PCYT1A: variants seen among roughly 807,000 people sequenced by gnomAD.
The protein encoded by PCYT1A is phosphate cytidylyltransferase 1A, choline.
A neutral mutation model predicts 43.7 loss-of-function variants in PCYT1A; 25 were observed. The observed-to-expected ratio is 0.57, with a 90% CI of 0.42 to 0.80. The LOEUF is 0.80. Ranked by LOEUF, PCYT1A falls within the 30% of genes least tolerant of loss-of-function variation. The pLI, the probability that PCYT1A is intolerant of heterozygous loss-of-function variation, is 0.00. For synonymous variants in PCYT1A, 172 were observed against 170.7 expected (o/e 1.01, Z -0.06); for missense variants, 421 against 474.2 (o/e 0.89, Z 1.04).
rs1450104892 is a variant in PCYT1A at position 196,234,843 on chromosome 3, C to G, written c.*3845G>C. On this transcript the variant is annotated 3_prime_UTR_variant, in exon 9 of 9. Coordinates refer to ENST00000431016, the MANE Select transcript of PCYT1A (RefSeq NM_001312673.2). ...GGAAAAATAGAAGCTAGGGACCACT[C>G]TTTATCCGATGGCAGTCTATTCTAT... 3 of 152,220 alleles carry G rather than the reference C, an allele frequency of 2.0e-5. No individual in the cohort carries two copies. Among genetic ancestry groups the G allele is most frequent in the African/African-American group, 7.2e-5 (3 of 41,446 alleles). The allele number at this position is 152,220 out of a possible 1,614,324, so 9.4% of individuals were successfully genotyped here.
intron 1 of PCYT1A, among the ~76,000 whole-genome samples, chr3:196,283,269 A>C (rs1725818604): frequency 6.6e-6 from 1 of 152,174 alleles, no homozygotes; most frequent in Admixed American, 6.6e-5. Flanking sequence ...GTTTGCAGTG[A>C]GCTAAGATTG....
At position 196,268,661 on chromosome 3, in the gene PCYT1A, G is replaced by A. The variant is rs56884666; in HGVS notation, c.117+1754C>T. Among the ~76,000 whole-genome samples, 2,247 of 152,206 alleles carry A rather than the reference G, an allele frequency of 0.015. 52 individuals are homozygous for A. The highest frequency in any genetic ancestry group is 0.051 in the African/African-American group (2,137 of 41,512). ...ATAAAAATAGTAAGCCAGGCATGGT[G>A]GTGGGCACCTGCAATCCCAGCCACT... On this transcript the variant is annotated intron_variant, in intron 2 of 8. Transcript: ENST00000431016. The surrounding 1 kb of genome is among the most constrained non-coding windows in gnomAD (Gnocchi z 4.4).
At chr3:196,249,361 G>A (rs1383867610) in intron 3 of PCYT1A, among the ~76,000 whole-genome samples, 9 of 138,120 alleles carry the variant, frequency 6.5e-5, no homozygotes, top group Admixed American at 1.6e-4. Context: ...GGCTGGTCTC[G>A]AACTCCTGGA....
chr3:196,269,391 G>C (rs1010051593), intron 2 of PCYT1A, among the ~76,000 whole-genome samples: 1 of 152,168 alleles, frequency 6.6e-6, no homozygotes, highest in Non-Finnish European at 1.5e-5. Context: ...TTTGATCAAT[G>C]GCTAATAGTC....
At chr3:196,241,685 T>C (rs1724363064) in intron 7 of PCYT1A, 1 of 1,415,776 alleles carries the variant, frequency 7.1e-7, no homozygotes, top group Non-Finnish European at 9.4e-7. Context: ...TTTCCATTTA[T>C]TGACAGAAAT....
At chr3:196,246,666 A>C (rs1332444920) in intron 5 of PCYT1A, among the ~76,000 whole-genome samples, 1 of 152,216 alleles carries the variant, frequency 6.6e-6, no homozygotes, top group Non-Finnish European at 1.5e-5. Flanking sequence ...AAGCCCTGAA[A>C]TGAAACTTAA....
chr3:196,256,574 C>T (rs1399629850), intron 3 of PCYT1A, among the ~76,000 whole-genome samples: 6 of 152,174 alleles, frequency 3.9e-5, no homozygotes, highest in African/African-American at 1.4e-4. Flanking sequence ...GGGTCTCGCT[C>T]TGTCACCCAG....
rs771791109 is a variant in PCYT1A at position 196,239,588 on chromosome 3, T to C, written c.856A>G (p.Ile286Val). The C allele has an allele frequency of 6.2e-7, 1 of 1,613,516 alleles. No individual in the cohort carries two copies. The highest frequency in any genetic ancestry group is 8.5e-7 in the Non-Finnish European group (1 of 1,179,382). Residue 286 changes from isoleucine to valine, a missense_variant, in exon 8 of 9, where the codon ATT (isoleucine) becomes GTT (valine). Ile to Val is a conservative substitution (Grantham distance 29, BLOSUM62 3). This residue lies in a region of PCYT1A where 174 missense variants were observed against 270.7 expected (regional missense o/e 0.64). Coordinates refer to ENST00000431016, the MANE Select transcript of PCYT1A (RefSeq NM_001312673.2). ...QKWEEKSREF[I>V]GSFLEMFGPE... ...CCAAACATTTCCAGAAAACTTCCAA[T>C]GAATTCTCGGGACTTCTCCTCCCAC...
chr3:196,275,089 T>C (rs1725547303), intron 1 of PCYT1A, among the ~76,000 whole-genome samples: 2 of 152,224 alleles, frequency 1.3e-5, no homozygotes, highest in Admixed American at 6.5e-5. Context: ...AGTACTCTTC[T>C]GTAAGTATCT....
At chr3:196,259,911 C>CTTTTTTT (rs779918737) in intron 2 of PCYT1A, among the ~76,000 whole-genome samples, 6 of 48,954 alleles carry the variant, frequency 1.2e-4, no homozygotes, top group African/African-American at 3.2e-4. Context: ...TGGAAACATT[C>CTTTTTTT]TTTTTTTTTT....
rs1286031867 is a variant in PCYT1A, at chr3:196,273,817, G to A, written c.-10-3276C>T. Among the ~76,000 whole-genome samples the A allele has an allele frequency of 6.6e-6, 1 of 152,214 alleles. No homozygotes were observed. The highest frequency in any genetic ancestry group is 1.5e-5 in the Non-Finnish European group (1 of 68,028). ...CTCATTCCAGTCCACAGAACTGGCA[G>A]CCTGGGCCCCAGGCTTCAGGCCATC... On this transcript the variant is annotated intron_variant, in intron 1 of 8. Coordinates refer to ENST00000431016, the MANE Select transcript of PCYT1A (RefSeq NM_001312673.2). The surrounding 1 kb of genome is among the most constrained non-coding windows in gnomAD (Gnocchi z 4.1).
In PCYT1A at chr3:196,252,044, GGACTACAGCGCACACCACCACGCCCCGCT is replaced by G. The variant is rs1462744126; in HGVS notation, c.218-3750_218-3722del. Among the ~76,000 whole-genome samples, 2 of 151,058 alleles carry G rather than the reference GGACTACAGCGCACACCACCACGCCCCGCT, an allele frequency of 1.3e-5. No individual in the cohort carries two copies. The highest frequency in any genetic ancestry group is 2.5e-5 in the African/African-American group (1 of 40,656). Reference sequence around the variant, plus strand: ...CCCGCCTCAGCCTCCCGAGAAGCTGGGACTACAGCGCACACCACCACGCCCCGCTGACTACAGCGCACCCCGCCACGCCC... The same window carrying G: ...CCCGCCTCAGCCTCCCGAGAAGCTGGGACTACAGCGCACCCCGCCACGCCC... On this transcript the variant is annotated intron_variant, in intron 3 of 8. Coordinates refer to ENST00000431016, the MANE Select transcript of PCYT1A (RefSeq NM_001312673.2). The surrounding 1 kb of genome is among the most constrained non-coding windows in gnomAD (Gnocchi z 4.0).
chr3:196,254,470 C>T (rs555984390), intron 3 of PCYT1A, among the ~76,000 whole-genome samples: 1 of 152,120 alleles, frequency 6.6e-6, no homozygotes, highest in Non-Finnish European at 1.5e-5. Flanking sequence ...CTCACCTCAG[C>T]CTCCTGAGTG....
In PCYT1A at chr3:196,257,844, T is replaced by C. The variant is rs1466833415; in HGVS notation, c.161A>G (p.Asp54Gly). 1 of 1,613,438 alleles carries C rather than the reference T, an allele frequency of 6.2e-7. No individual in the cohort carries two copies. The highest frequency in any genetic ancestry group is 1.3e-5 in the African/African-American group (1 of 74,816). ...PAPFSDEIEVDFSKPYVRVTM... is the reference protein window; with the variant it reads ...PAPFSDEIEVGFSKPYVRVTM... ...TACCCTGACATAGGGCTTACTAAAG[T>C]CAACTTCAATTTCATCAGAAAAAGG... is the stretch of plus-strand genomic sequence containing the variant. Residue 54 changes from aspartate to glycine, a missense_variant, in exon 3 of 9, where the codon GAC (aspartate) becomes GGC (glycine). Physicochemically the swap from Asp to Gly is moderately conservative, Grantham distance 94. Transcript: ENST00000431016.
intron 1 of PCYT1A, among the ~76,000 whole-genome samples, chr3:196,279,286 CAAAA>C (rs532624855): frequency 1.8e-5 from 2 of 108,594 alleles, no homozygotes. Context: ...GAAACTCTAT[CAAAA>C]AAAAAAAAAA....
intron 3 of PCYT1A, among the ~76,000 whole-genome samples, chr3:196,256,185 G>A (rs976500852): frequency 1.3e-5 from 2 of 152,190 alleles, no homozygotes; most frequent in African/African-American, 4.8e-5. Flanking sequence ...TAAGGCCAAA[G>A]GATAGGTGTT....
At chr3:196,275,487 G>A (rs1725558388) in intron 1 of PCYT1A, among the ~76,000 whole-genome samples, 1 of 152,176 alleles carries the variant, frequency 6.6e-6, no homozygotes, top group African/African-American at 2.4e-5. Context: ...TGTAATCTCA[G>A]CCTTTGGGAG....
Position 196,278,072 on chromosome 3 carries a change from G to A in PCYT1A, c.-10-7531C>T, listed in dbSNP as rs1725644033. On this transcript the variant is annotated intron_variant, in intron 1 of 8. Coordinates refer to ENST00000431016, the MANE Select transcript of PCYT1A (RefSeq NM_001312673.2). The stretch of plus-strand genomic sequence containing the variant: ...CAGTCTCCCTCATGTTCCAATAGAT[G>A]CTTGCCCGGACACATCACCTTTGCT... Among the ~76,000 whole-genome samples the A allele has an allele frequency of 2.6e-5, 4 of 152,260 alleles. No individual in the cohort carries two copies. In the South Asian group the frequency reaches 6.2e-4, roughly 24 times the overall value.
At chr3:196,250,828 C>T (rs1365573186) in intron 3 of PCYT1A, 2 of 173,428 alleles carry the variant, frequency 1.2e-5, no homozygotes, top group Non-Finnish European at 2.4e-5. Flanking sequence ...GGTTGAGGAC[C>T]AGATACACTA....
Sources: allele counts gnomAD v4.1 joint callset (sites outside exome capture counted in the v4.1 genomes callset), GRCh38; gene constraint gnomAD v4.1.1; regional missense constraint gnomAD v4.1.1; non-coding constraint Gnocchi (gnomAD v3.1); transcripts MANE v1.5; gene names NCBI Gene and HGNC (gene_info 2026-07-23, HGNC 2026-07-21).